Variants in DNAH14 observed in about 807,000 individuals in gnomAD.
DNAH14 encodes axonemal beta dynein heavy chain 14.
Under a neutral mutation model 520.9 loss-of-function variants are expected in DNAH14, and 478 were observed. That is an observed-to-expected ratio of 0.92 (90% confidence interval 0.85 to 0.99). DNAH14 has a LOEUF of 0.99. Among genes scored for constraint, DNAH14 ranks in the 50% least tolerant of loss-of-function variants. The pLI is 0.00. For missense variants in DNAH14, 4,831 were observed against 5,234.5 expected, an observed-to-expected ratio of 0.92 and a Z score of 2.38; for synonymous variants, 1,581 against 1,757.2, an observed-to-expected ratio of 0.90 and a Z score of 2.51.
intron 84 of DNAH14, chr1:225,397,032 G>A (rs2096020849): frequency 6.7e-6 from 1 of 149,932 alleles, no homozygotes; most frequent in South Asian, 2.1e-4. Context: ...TTTTGAGATG[G>A]AGTCTTGCTC....
chr1:225,094,817 GCAAAAA>G (rs2074791358), intron 21 of DNAH14, among the ~76,000 whole-genome samples: 1 of 99,182 alleles, frequency 1.0e-5, no homozygotes, highest in Non-Finnish European at 1.9e-5. Flanking sequence ...ACATTTACAG[GCAAAAA>G]AAAAAAAAAA....
chr1:225,185,723 C>CT (rs1005224151), intron 37 of DNAH14, among the ~76,000 whole-genome samples: 1 of 151,364 alleles, frequency 6.6e-6, no homozygotes, highest in African/African-American at 2.4e-5. Flanking sequence ...ATAATTTTGT[C>CT]TTTTTTTGAA....
chr1:224,983,107 G>A (rs995635399), intron 8 of DNAH14, among the ~76,000 whole-genome samples: 1 of 152,100 alleles, frequency 6.6e-6, no homozygotes, highest in Non-Finnish European at 1.5e-5. Context: ...AGGTCTATTA[G>A]TAATTGTTTT....
intron 35 of DNAH14, among the ~76,000 whole-genome samples, chr1:225,159,986 C>T (rs576908464): frequency 6.6e-6 from 1 of 152,178 alleles, no homozygotes; most frequent in South Asian, 2.1e-4. Flanking sequence ...AGCTTCCTAC[C>T]ACACCCTGCA....
At chr1:225,195,221 C>T (rs898965452) in intron 38 of DNAH14, among the ~76,000 whole-genome samples, 1 of 152,052 alleles carries the variant, frequency 6.6e-6, no homozygotes, top group Non-Finnish European at 1.5e-5. Flanking sequence ...ATGTTCATCA[C>T]AGCACTACAC....
At chr1:225,276,987 GAGGGAGGA>G (rs1410658223) in intron 53 of DNAH14, among the ~76,000 whole-genome samples, 12 of 26,714 alleles carry the variant, frequency 4.5e-4, no homozygotes, top group African/African-American at 2.0e-3. Context: ...GGAAGGAAGG[GAGGGAGGA>G]AGGAAGGGAG....
At chr1:225,275,637 G>A (rs11587127) in intron 52 of DNAH14, among the ~76,000 whole-genome samples, 8,112 of 152,214 alleles carry the variant, frequency 0.053, 324 homozygotes, top group Non-Finnish European at 0.081. Flanking sequence ...CCCTCAAAGC[G>A]TTCTTAAATA....
At position 224,929,766 on chromosome 1, in the gene DNAH14, G is replaced by C. The variant is rs1300822106; in HGVS notation, c.-103G>C. ...CATTCACCCTAGTCTGGCGCTCGCC[G>C]GCGTGGGCGGGCCGGACCTTCGCCG... On this transcript the variant is annotated 5_prime_UTR_variant, in exon 1 of 86. Transcript: ENST00000682510. 2.8e-6 allele frequency: 2 copies of C among 701,956 alleles called. No individual in the cohort carries two copies. The highest frequency in any genetic ancestry group is 4.0e-5 in the Admixed American group (2 of 50,002). The allele number at this position is 701,956 out of a possible 1,614,324, so 43.5% of individuals were successfully genotyped here.
At chr1:225,254,470 A>T (rs2092670372) in intron 44 of DNAH14, among the ~76,000 whole-genome samples, 1 of 152,232 alleles carries the variant, frequency 6.6e-6, no homozygotes, top group African/African-American at 2.4e-5. Flanking sequence ...CAACATTGTT[A>T]GCTGTGATAT....
At position 225,322,824 on chromosome 1, in the gene DNAH14, G is replaced by A; in HGVS notation, c.9495+1G>A. The A allele has an allele frequency of 1.3e-6, 2 of 1,545,246 alleles. No homozygotes were observed. The highest frequency in any genetic ancestry group is 1.8e-6 in the Non-Finnish European group (2 of 1,141,904). Reference sequence around the variant, plus strand: ...TGACAAGGACAGCATACCTGATAAGGTAAAAAGTTGATCTCTAATTGATGC... The same window carrying A: ...TGACAAGGACAGCATACCTGATAAGATAAAAAGTTGATCTCTAATTGATGC... On this transcript the variant is annotated splice_donor_variant, in intron 62 of 85. Transcript: ENST00000682510. LOFTEE classifies it high-confidence loss of function.
At chr1:224,988,741 A>G (rs1028378010) in intron 8 of DNAH14, among the ~76,000 whole-genome samples, 1 of 152,176 alleles carries the variant, frequency 6.6e-6, no homozygotes, top group African/African-American at 2.4e-5. Context: ...AAGCTCCTGT[A>G]TGCAAGCACT....
At chr1:225,309,098 G>A (rs1007711678) in intron 60 of DNAH14, among the ~76,000 whole-genome samples, 2 of 152,214 alleles carry the variant, frequency 1.3e-5, no homozygotes, top group South Asian at 4.1e-4. Context: ...CCTAGGACAA[G>A]GTTTATTATG....
At chr1:225,290,639 GTGTGTGTGTATATATATATATA>G (rs2149996245) in intron 55 of DNAH14, among the ~76,000 whole-genome samples, 2 of 88,722 alleles carry the variant, frequency 2.3e-5, no homozygotes, top group South Asian at 3.9e-4. Flanking sequence ...ATATGTGTGT[GTGTGTGTGTATATATATATATA>G]TATATATATA....
chr1:225,364,814 A>C lies in DNAH14; in HGVS notation c.12010A>C (p.Ile4004Leu), dbSNP rs1344510949. ...CAGTTTTAATAGTCCAAACGTGACA[A>C]TAGACCCTGAGTTTCGGCTATGGTT... Reference protein sequence around the residue: ...VESFNSPNVTIDPEFRLWLSS... With the variant: ...VESFNSPNVTLDPEFRLWLSS... The change falls in exon 76 of 86, where the codon ATA becomes CTA. Residue 4004 changes from isoleucine to leucine, a missense_variant. By Grantham distance (5) the Ile-to-Leu change is conservative. Coordinates refer to ENST00000682510, the MANE Select transcript of DNAH14 (RefSeq NM_001367479.1). The C allele has an allele frequency of 6.5e-7, 1 of 1,548,216 alleles. No homozygotes were observed. The highest frequency in any genetic ancestry group is 8.7e-7 in the Non-Finnish European group (1 of 1,145,974).
chr1:225,376,561 G>A (rs1449572963), intron 78 of DNAH14, among the ~76,000 whole-genome samples: 1 of 152,184 alleles, frequency 6.6e-6, no homozygotes, highest in African/African-American at 2.4e-5. Flanking sequence ...AATTGCATTG[G>A]CAGAATTATA....
rs540281232 is a variant in DNAH14 at position 225,055,187 on chromosome 1, T to G, written c.2424+3392T>G. Among the ~76,000 whole-genome samples the G allele has an allele frequency of 7.2e-5, 11 of 152,302 alleles. No homozygotes were observed. In the South Asian group the frequency reaches 1.4e-3, roughly 20 times the overall value. On this transcript the variant is annotated intron_variant, in intron 17 of 85. Coordinates refer to ENST00000682510, the MANE Select transcript of DNAH14 (RefSeq NM_001367479.1). ...GAAACAAAATGTTTATCCTCTAAGA[T>G]GCCGTATTTCTACATAGCATTTCCT...
chr1:224,953,097 CA>C lies in DNAH14; in HGVS notation c.77+324del, dbSNP rs568616853. 7.6e-4 allele frequency: 137 copies of C among 180,504 alleles called. 1 individual carries two copies. The highest frequency in any genetic ancestry group is 1.1e-3 in the Non-Finnish European group (98 of 86,806). 11.2% of individuals were successfully genotyped at this position (180,504 alleles called of 1,614,324 possible). On this transcript the variant is annotated intron_variant, in intron 2 of 85. Transcript: ENST00000682510. ...CAAAAGGTATCATTTGTAACAGTAT[CA>C]AAAAATAGGTACATTAGATACATAG...
chr1:225,261,057 T>C (rs565358266), intron 46 of DNAH14, among the ~76,000 whole-genome samples: 2 of 152,312 alleles, frequency 1.3e-5, no homozygotes, highest in East Asian at 3.9e-4. Flanking sequence ...ATCTTTAGGG[T>C]CTCTATTAAT....
intron 84 of DNAH14, 25 bp from the exon 85 acceptor site, chr1:225,398,495 T>C: frequency 6.5e-7 from 1 of 1,549,850 alleles, no homozygotes; most frequent in Non-Finnish European, 8.7e-7. Flanking sequence ...TGGGGATCCC[T>C]GACACCACCT....
Sources: allele counts gnomAD v4.1 joint callset (sites outside exome capture counted in the v4.1 genomes callset), GRCh38; gene constraint gnomAD v4.1.1; transcripts MANE v1.5; gene names NCBI Gene and HGNC (gene_info 2026-07-23, HGNC 2026-07-21).